Variants in TAF4 observed in about 807,000 individuals in gnomAD.
TAF4 encodes the protein transcription initiation factor TFIID subunit 4.
TAF4 carries 9 observed loss-of-function variants against 90.3 expected under a neutral mutation model. The observed-to-expected ratio is 0.10, with a 90% CI of 0.06 to 0.17. TAF4 has a LOEUF of 0.17. Among genes scored for constraint, TAF4 ranks in the 10% least tolerant of loss-of-function variants. The pLI is 1.00. For missense variants in TAF4, 1,351 were observed against 1,370.7 expected (o/e 0.99, Z 0.23); for synonymous variants, 818 against 638.9 (o/e 1.28, Z -4.23).
intron 1 of TAF4, among the ~76,000 whole-genome samples, chr20:62,052,663 T>G (rs963704870): frequency 2.0e-5 from 3 of 150,918 alleles, no homozygotes; most frequent in Non-Finnish European, 2.9e-5. Flanking sequence ...CGTCCCCACA[T>G]TGCACCCCTA....
Position 62,008,582 on chromosome 20 carries a change from G to A in TAF4, c.1884+470C>T, listed in dbSNP as rs144990430. On this transcript the variant is annotated intron_variant, in intron 5 of 14. Transcript: ENST00000252996. ...GGGGGGACGGCTCTGCCACTGGAGC[G>A]CGAATGTGCCTCAGCTGGTCTGCTC... 1.8e-3 allele frequency among the ~76,000 whole-genome samples: 279 copies of A among 152,148 alleles called. 5 individuals are homozygous for A. In the East Asian group the frequency reaches 0.036, roughly 19 times the overall value.
intron 1 of TAF4, among the ~76,000 whole-genome samples, chr20:62,040,883 G>A (rs1385346358): frequency 6.6e-6 from 1 of 152,230 alleles, no homozygotes; most frequent in Non-Finnish European, 1.5e-5. Context: ...ACAAAGGCTT[G>A]AACACAAATG....
chr20:62,001,705 G>C (rs1163767839), intron 9 of TAF4, among the ~76,000 whole-genome samples: 1 of 152,114 alleles, frequency 6.6e-6, no homozygotes, highest in Non-Finnish European at 1.5e-5. Context: ...GCACAGCTTA[G>C]GGCTCCAGCT....
chr20:62,027,245 G>A (rs532886332), intron 1 of TAF4, among the ~76,000 whole-genome samples: 1 of 152,302 alleles, frequency 6.6e-6, no homozygotes, highest in South Asian at 2.1e-4. Flanking sequence ...TCGCAGCCCT[G>A]AGAGCCGAGC....
rs1362231432 is a variant in TAF4 at position 62,065,858 on chromosome 20, C to T, written c.-48G>A. 3.3e-6 allele frequency: 4 copies of T among 1,205,616 alleles called. No homozygotes were observed. The highest frequency in any genetic ancestry group is 4.2e-6 in the Non-Finnish European group (4 of 948,678). 74.7% of individuals were successfully genotyped at this position (1,205,616 alleles called of 1,614,324 possible). A position where few individuals can be genotyped will look rare whatever the true frequency, so the allele number is the denominator to read the frequency against. Reference sequence around the variant, plus strand: ...CCGCCGCCGCTCGGGCCGAGCGCGCCTGGGCGAGGAGGAGGTTCCGACTGG... The same window carrying T: ...CCGCCGCCGCTCGGGCCGAGCGCGCTTGGGCGAGGAGGAGGTTCCGACTGG... On this transcript the variant is annotated 5_prime_UTR_variant, in exon 1 of 15. Coordinates refer to ENST00000252996, the MANE Select transcript of TAF4 (RefSeq NM_003185.4).
At chr20:62,032,238 G>C (rs2055908458) in intron 1 of TAF4, among the ~76,000 whole-genome samples, 1 of 152,206 alleles carries the variant, frequency 6.6e-6, no homozygotes, top group Middle Eastern at 3.2e-3. Context: ...AGAGGACAAG[G>C]ACCATGCTCA....
chr20:61,975,095 C>T lies in TAF4; in HGVS notation c.*1073G>A, dbSNP rs2055484796. The T allele has an allele frequency of 6.6e-6, 1 of 152,328 alleles. No individual in the cohort carries two copies. Among genetic ancestry groups the T allele is most frequent in the African/African-American group, 2.4e-5 (1 of 41,410 alleles). The allele number at this position is 152,328 out of a possible 1,614,324, so 9.4% of individuals were successfully genotyped here. A position where few individuals can be genotyped will look rare whatever the true frequency, so the allele number is the denominator to read the frequency against. On this transcript the variant is annotated 3_prime_UTR_variant, in exon 15 of 15. Coordinates refer to ENST00000252996, the MANE Select transcript of TAF4 (RefSeq NM_003185.4). ...CAGAGTATTTACAGTCATAAAAGTA[C>T]TATCAATAGACAATTTCATACAATA...
At chr20:61,977,410 A>C (rs142311415) in intron 14 of TAF4, among the ~76,000 whole-genome samples, 23 of 152,256 alleles carry the variant, frequency 1.5e-4, no homozygotes, top group Admixed American at 3.3e-4. Context: ...TTCTCAACCA[A>C]AGTTAAGATG....
At chr20:61,996,630 C>G (rs1414633423) in intron 14 of TAF4, among the ~76,000 whole-genome samples, 2 of 151,338 alleles carry the variant, frequency 1.3e-5, no homozygotes, top group Non-Finnish European at 2.9e-5. Context: ...GAAACCCCGT[C>G]TCTCCTAAAA....
intron 1 of TAF4, among the ~76,000 whole-genome samples, chr20:62,043,763 G>C (rs1321592071): frequency 6.6e-6 from 1 of 152,236 alleles, no homozygotes; most frequent in African/African-American, 2.4e-5. Context: ...CAGCCTAAGA[G>C]TGTAGCAGGC....
At chr20:62,056,776 A>G (rs998479199) in intron 1 of TAF4, among the ~76,000 whole-genome samples, 1 of 152,198 alleles carries the variant, frequency 6.6e-6, no homozygotes, top group Non-Finnish European at 1.5e-5. Context: ...TCTTCTTTAC[A>G]GTTTACTTCC....
At position 62,010,989 on chromosome 20, in the gene TAF4, G is replaced by C. The variant is rs6089606; in HGVS notation, c.1642-824C>G. 6.6e-6 allele frequency among the ~76,000 whole-genome samples: 1 copy of C among 151,912 alleles called. No homozygotes were observed. The highest frequency in any genetic ancestry group is 2.4e-5 in the African/African-American group (1 of 41,330). Reference sequence around the variant, plus strand: ...TCTCCAATTTTTTAAACACTCCTTTGCAACTTCTGAAAGCAGGGGGCAGTG... The same window carrying C: ...TCTCCAATTTTTTAAACACTCCTTTCCAACTTCTGAAAGCAGGGGGCAGTG... On this transcript the variant is annotated intron_variant, in intron 3 of 14. Transcript: ENST00000252996. This position sits in a 1 kb window ranked among gnomAD's most constrained non-coding sequence, Gnocchi z 4.5.
intron 5 of TAF4, 79 bp from the exon 6 acceptor site, chr20:62,007,715 C>T (rs2055755008): frequency 2.9e-6 from 4 of 1,373,748 alleles, no homozygotes; most frequent in Middle Eastern, 1.9e-4. Flanking sequence ...ACTCTGGTCT[C>T]GTATTTTACG....
chr20:62,007,491 G>A, intron 6 of TAF4, 56 bp downstream of exon 6: 3 of 1,547,226 alleles, frequency 1.9e-6, no homozygotes. Context: ...TGGTGCATCT[G>A]CGCCCCACCC....
intron 1 of TAF4, among the ~76,000 whole-genome samples, chr20:62,059,809 A>G (rs1467384556): frequency 6.6e-6 from 1 of 152,208 alleles, no homozygotes; most frequent in Admixed American, 6.5e-5. Flanking sequence ...CCCAAATCTC[A>G]GGCAAGCTTC....
chr20:62,008,837 C>T (rs1568930643), intron 5 of TAF4: 2 of 492,506 alleles, frequency 4.1e-6, no homozygotes, highest in Admixed American at 4.0e-5. Context: ...GACCTCCAGG[C>T]GCCGGCCCCA....
At chr20:62,056,832 AT>A (rs1018518810) in intron 1 of TAF4, among the ~76,000 whole-genome samples, 16 of 152,336 alleles carry the variant, frequency 1.1e-4, no homozygotes, top group African/African-American at 3.1e-4. Flanking sequence ...CATCAAAAAA[AT>A]CATGTTGAAG....
In TAF4 at chr20:62,010,006, C is replaced by A; in HGVS notation, c.1761+40G>T. 1.2e-6 allele frequency: 2 copies of A among 1,610,110 alleles called. No individual in the cohort carries two copies. Among genetic ancestry groups the A allele is most frequent in the Admixed American group, 1.7e-5 (1 of 60,010 alleles). On this transcript the variant is annotated intron_variant, in intron 4 of 14. Coordinates refer to ENST00000252996, the MANE Select transcript of TAF4 (RefSeq NM_003185.4). The surrounding 1 kb of genome is among the most constrained non-coding windows in gnomAD (Gnocchi z 4.5). Reference sequence around the variant, plus strand: ...TGCATTTTCTGACCTGCGCCACGGGCCTGACCGTCTTTGAAGGCACGGAAA... The same window carrying A: ...TGCATTTTCTGACCTGCGCCACGGGACTGACCGTCTTTGAAGGCACGGAAA...
intron 1 of TAF4, among the ~76,000 whole-genome samples, chr20:62,042,762 AAATATACT>A (rs1328931214): frequency 6.6e-6 from 1 of 152,248 alleles, no homozygotes; most frequent in Non-Finnish European, 1.5e-5. Context: ...ACTGTTTCAG[AAATATACT>A]GCATCTACTT....
Sources: gnomAD v4.1 joint callset for allele counts (sites outside exome capture counted in the v4.1 genomes callset) on GRCh38, gnomAD v4.1.1 for gene constraint, Gnocchi (gnomAD v3.1) non-coding constraint, MANE v1.5 for transcripts, NCBI Gene and HGNC (gene_info 2026-07-23, HGNC 2026-07-21) for gene names.